Variants in PPP1R1C observed in about 807,000 individuals in gnomAD.
The protein encoded by PPP1R1C is protein phosphatase 1 regulatory inhibitor subunit 1C, also known as protein phosphatase 1 regulatory subunit 1C.
PPP1R1C carries 15 observed loss-of-function variants against 17.4 expected under a neutral mutation model. That is an observed-to-expected ratio of 0.86 (90% confidence interval 0.58 to 1.33). The LOEUF (loss-of-function observed/expected upper bound fraction) is 1.33, where lower values mean the gene tolerates loss of function less well. Among genes scored for constraint, PPP1R1C ranks in the 40% most tolerant of loss-of-function variants. The pLI is 0.00. For synonymous variants in PPP1R1C, 35 were observed against 43.1 expected, an observed-to-expected ratio of 0.81 and a Z score of 0.73; for missense variants, 143 against 130.0, an observed-to-expected ratio of 1.10 and a Z score of -0.48.
At chr2:182,067,857 G>A (rs1043928236) in intron 4 of PPP1R1C, among the ~76,000 whole-genome samples, 1 of 152,090 alleles carries the variant, frequency 6.6e-6, no homozygotes, top group African/African-American at 2.4e-5. Flanking sequence ...GAGTTTATTA[G>A]TTTCGGACAC....
At chr2:182,062,885 C>T (rs911056675) in intron 3 of PPP1R1C, among the ~76,000 whole-genome samples, 1 of 151,898 alleles carries the variant, frequency 6.6e-6, no homozygotes, top group East Asian at 1.9e-4. Context: ...AAATAATTGC[C>T]CCAGATGCAA....
intron 2 of PPP1R1C, among the ~76,000 whole-genome samples, chr2:182,026,920 C>T (rs1330911169): frequency 1.6e-4 from 22 of 140,028 alleles, no homozygotes; most frequent in Non-Finnish European, 2.9e-4. Flanking sequence ...TGAAGAGGTC[C>T]TTCACATCCC....
rs1294274242 is a variant in PPP1R1C, at chr2:181,987,887, C to G, written c.130C>G (p.His44Asp). ...AGCATCACTTGTGATTCTCAATGAG[C>G]ATAACCCCCCAGGTAAAGAAGCATG... Reference protein sequence around the residue: ...TPASLVILNEHNPPEIDDKRG... With the variant: ...TPASLVILNEDNPPEIDDKRG... Residue 44 changes from histidine (H) to aspartate (D), a missense_variant, in exon 2 of 5, where the codon CAT becomes GAT. His to Asp is a moderately conservative substitution (Grantham distance 81). Coordinates refer to ENST00000682840, the MANE Select transcript of PPP1R1C (RefSeq NM_001080545.3). The G allele has an allele frequency of 6.2e-7, 1 of 1,612,562 alleles. No individual in the cohort carries two copies. The highest frequency in any genetic ancestry group is 1.7e-5 in the Admixed American group (1 of 59,912).
At chr2:181,986,355 T>C (rs577074992) in intron 1 of PPP1R1C, among the ~76,000 whole-genome samples, 164 bp downstream of exon 1, 169 of 152,330 alleles carry the variant, frequency 1.1e-3, no homozygotes, top group African/African-American at 3.9e-3. Flanking sequence ...TGTATTTAAA[T>C]TGCATTGGGA....
intron 2 of PPP1R1C, among the ~76,000 whole-genome samples, chr2:181,978,288 A>T (rs931678044): frequency 6.6e-6 from 1 of 152,216 alleles, no homozygotes; most frequent in Non-Finnish European, 1.5e-5. Flanking sequence ...AAACCTCTGC[A>T]TGCGACTTGG....
intron 2 of PPP1R1C, among the ~76,000 whole-genome samples, chr2:182,018,387 A>G (rs889097030): frequency 6.6e-6 from 1 of 152,214 alleles, no homozygotes; most frequent in African/African-American, 2.4e-5. Context: ...GTCAACAGTA[A>G]ATGCTGTAAG....
At chr2:182,037,017 A>G (rs1239270624) in intron 2 of PPP1R1C, among the ~76,000 whole-genome samples, 1 of 152,226 alleles carries the variant, frequency 6.6e-6, no homozygotes, top group Non-Finnish European at 1.5e-5. Flanking sequence ...TAGCAATTGT[A>G]TTAGAGAGGC....
intron 1 of PPP1R1C, among the ~76,000 whole-genome samples, chr2:181,970,711 G>C (rs1684991455): frequency 6.6e-6 from 1 of 152,138 alleles, no homozygotes; most frequent in South Asian, 2.1e-4. Flanking sequence ...CCATTAGCCA[G>C]GGCCTGGAGT....
chr2:182,040,829 A>G (rs1237917483), intron 2 of PPP1R1C, among the ~76,000 whole-genome samples: 2 of 152,024 alleles, frequency 1.3e-5, no homozygotes, highest in East Asian at 1.9e-4. Context: ...CTTGATTTTT[A>G]TATATAGTGA....
chr2:182,078,649 G>C (rs1240259180), intron 4 of PPP1R1C, among the ~76,000 whole-genome samples: 4 of 152,208 alleles, frequency 2.6e-5, no homozygotes, highest in Non-Finnish European at 5.9e-5. Flanking sequence ...ACTGGAGTAG[G>C]AGAAACGTGG....
intron 4 of PPP1R1C, among the ~76,000 whole-genome samples, chr2:182,089,064 T>G (rs186990146): frequency 6.6e-6 from 1 of 152,188 alleles, no homozygotes; most frequent in African/African-American, 2.4e-5. Flanking sequence ...ACTGGCCCTG[T>G]GCAGGACCAC....
At chr2:182,121,405 A>G (rs971904018), downstream of PPP1R1C, among the ~76,000 whole-genome samples, 5 of 152,264 alleles carry the variant, frequency 3.3e-5, no homozygotes, top group South Asian at 6.2e-4. Flanking sequence ...GAGGCCTTCT[A>G]TCTTAACTTT....
intron 2 of PPP1R1C, among the ~76,000 whole-genome samples, chr2:182,021,769 G>A (rs756805735): frequency 6.6e-6 from 1 of 152,210 alleles, no homozygotes; most frequent in Non-Finnish European, 1.5e-5. Context: ...AGGAAGGCAG[G>A]TAAAGGAGCA....
intron 1 of PPP1R1C, among the ~76,000 whole-genome samples, chr2:181,969,952 G>A (rs1454990018): frequency 6.6e-6 from 1 of 152,078 alleles, no homozygotes; most frequent in Non-Finnish European, 1.5e-5. Context: ...GTTTGATTCT[G>A]TTTAATTATT....
At chr2:182,108,686 A>T (rs1224433709) in intron 4 of PPP1R1C, among the ~76,000 whole-genome samples, 1 of 151,690 alleles carries the variant, frequency 6.6e-6, no homozygotes, top group African/African-American at 2.4e-5. Context: ...TGATTATTCC[A>T]TTTTTTCTGT....
At chr2:182,023,135 G>C (rs1686481286) in intron 2 of PPP1R1C, among the ~76,000 whole-genome samples, 1 of 152,088 alleles carries the variant, frequency 6.6e-6, no homozygotes, top group African/African-American at 2.4e-5. Context: ...AGGCAATATA[G>C]AAAAATTATC....
rs574510068 is a variant in PPP1R1C, at chr2:182,097,268, AT to A, written c.242-19937del. Among the ~76,000 whole-genome samples, 181 of 152,316 alleles carry A rather than the reference AT, an allele frequency of 1.2e-3. 1 individual carries two copies. Among genetic ancestry groups the A allele is most frequent in the Middle Eastern group, 3.4e-3 (1 of 294 alleles). On this transcript the variant is annotated intron_variant, in intron 4 of 4. Coordinates refer to ENST00000682840, the MANE Select transcript of PPP1R1C (RefSeq NM_001080545.3). ...AACTAGTCCTCGAGTGGTAGTTTTC[AT>A]TAATGTACTTGAAATATTTACCTGC...
Position 181,962,396 on chromosome 2 carries a change from G to A in PPP1R1C, n.111+7762G>A, listed in dbSNP as rs1352315565. 10 of 759,992 alleles carry A rather than the reference G, an allele frequency of 1.3e-5. No individual in the cohort carries two copies. Among genetic ancestry groups the A allele is most frequent in the Non-Finnish European group, 2.0e-5 (9 of 439,228 alleles). The allele number at this position is 759,992 out of a possible 1,614,324, so 47.1% of individuals were successfully genotyped here. On this transcript the variant is annotated intron_variant and non_coding_transcript_variant, in intron 1 of 5. Coordinates refer to the PPP1R1C transcript ENST00000464264. This position sits in a 1 kb window ranked among gnomAD's most constrained non-coding sequence, Gnocchi z 6.0. ...ATAGACGCTGGCCATGCAGCTGGCC[G>A]GCCGGGCGCCGTAGTTGGACACCTG...
Position 182,063,708 on chromosome 2 carries a change from T to C in PPP1R1C, c.181-23T>C, listed in dbSNP as rs144979964. 7.5e-4 allele frequency: 1,198 copies of C among 1,603,114 alleles called. 8 individuals carry two copies. In the African/African-American group the frequency reaches 0.014, roughly 19 times the overall value. On this transcript the variant is annotated intron_variant, in intron 3 of 4. Coordinates refer to ENST00000682840, the MANE Select transcript of PPP1R1C (RefSeq NM_001080545.3). The stretch of plus-strand genomic sequence containing the variant: ...ACTTTGTATCCAAATCTAAGGCTTT[T>C]ACTTTTTTCTCTTTCTCCACAGTTA...
Sources: allele counts gnomAD v4.1 joint callset (sites outside exome capture counted in the v4.1 genomes callset), GRCh38; gene constraint gnomAD v4.1.1; non-coding constraint Gnocchi (gnomAD v3.1); transcripts MANE v1.5; gene names NCBI Gene and HGNC (gene_info 2026-07-23, HGNC 2026-07-21).